The following ECT2 variants were observed in gnomAD, a reference collection of about 807,000 sequenced individuals.
ECT2 encodes the protein epithelial cell transforming 2.
In ECT2, 61 loss-of-function variants were observed where a neutral mutation model predicts 116.9. The observed-to-expected ratio is 0.52, with a 90% CI of 0.42 to 0.65. ECT2 has a LOEUF of 0.65. Among genes scored for constraint, ECT2 ranks in the 30% least tolerant of loss-of-function variants. ECT2 has a pLI of 0.00. For synonymous variants in ECT2, 358 were observed against 346.4 expected (o/e 1.03, Z -0.37); for missense variants, 937 against 1,078.7 (o/e 0.87, Z 1.84).
chr3:172,801,520 G>T (rs773752487), intron 18 of ECT2, among the ~76,000 whole-genome samples: 12 of 152,058 alleles, frequency 7.9e-5, no homozygotes, highest in Non-Finnish European at 1.6e-4. Flanking sequence ...TTTCTTACAC[G>T]CATACAGTGA....
intron 22 of ECT2, among the ~76,000 whole-genome samples, chr3:172,814,060 C>A (rs1022836200): frequency 3.3e-5 from 5 of 151,914 alleles, no homozygotes; most frequent in African/African-American, 1.2e-4. Flanking sequence ...TTTACAAGTA[C>A]TATTAACTGA....
At chr3:172,789,755 A>G (rs1724306997) in intron 18 of ECT2, among the ~76,000 whole-genome samples, 1 of 152,078 alleles carries the variant, frequency 6.6e-6, no homozygotes, top group African/African-American at 2.4e-5. Flanking sequence ...ATCTCAGGAA[A>G]CCACTTTCTT....
At chr3:172,788,402 T>C (rs1003671368) in intron 18 of ECT2, among the ~76,000 whole-genome samples, 7 of 152,222 alleles carry the variant, frequency 4.6e-5, no homozygotes, top group Non-Finnish European at 8.8e-5. Flanking sequence ...ATTTAAAATA[T>C]AGTTTGATTA....
intron 14 of ECT2, among the ~76,000 whole-genome samples, chr3:172,774,565 C>G (rs114947732): frequency 0.015 from 2,328 of 152,198 alleles, 63 homozygotes; most frequent in African/African-American, 0.052. Flanking sequence ...TCATGACTTA[C>G]TGCAACCTTG....
intron 10 of ECT2, 42 bp downstream of exon 10, chr3:172,762,848 T>TAA (rs759733611): frequency 2.5e-5 from 40 of 1,610,010 alleles, no homozygotes; most frequent in Non-Finnish European, 3.2e-5. Flanking sequence ...AAAACACTAT[T>TAA]AATAGCTTCT....
rs577510658 is a variant in ECT2, at chr3:172,785,972, T to C, written c.1826-521T>C. ...TCCACATGAGAGATTAGGTGGACAG[T>C]GGTACTAGATTAAACCTAGATTTGA... On this transcript the variant is annotated intron_variant, in intron 17 of 24. Coordinates refer to ENST00000392692, the MANE Select transcript of ECT2 (RefSeq NM_001258315.2). Among the ~76,000 whole-genome samples, 4 of 152,290 alleles carry C rather than the reference T, an allele frequency of 2.6e-5. No homozygotes were observed. The South Asian group carries it at 8.3e-4, about 32-fold the overall frequency.
At chr3:172,767,452 A>G (rs568219281) in intron 12 of ECT2, among the ~76,000 whole-genome samples, 1 of 152,106 alleles carries the variant, frequency 6.6e-6, no homozygotes, top group African/African-American at 2.4e-5. Context: ...AAAAAAAAGC[A>G]CTCAGAACTC....
At chr3:172,823,053 C>CTG (rs199685453), downstream of ECT2, among the ~76,000 whole-genome samples, 9,321 of 152,036 alleles carry the variant, frequency 0.061, 955 homozygotes, top group African/African-American at 0.21. Flanking sequence ...AAAATTCTCA[C>CTG]AGAGCGTTAT....
intron 12 of ECT2, among the ~76,000 whole-genome samples, chr3:172,767,740 G>A (rs766335594): frequency 3.7e-5 from 5 of 135,230 alleles, no homozygotes; most frequent in East Asian, 1.9e-4. Flanking sequence ...TTTTTGAGAC[G>A]GAGTCTTGCT....
chr3:172,773,770 C>T (rs1009322890), intron 13 of ECT2, 133 bp from the exon 14 acceptor site: 9 of 922,484 alleles, frequency 9.8e-6, no homozygotes, highest in South Asian at 3.7e-5. Flanking sequence ...GAAAATGTCT[C>T]AAATTTAGGG....
At chr3:172,826,004 C>T (rs1560043468), downstream of ECT2, among the ~76,000 whole-genome samples, 2 of 152,206 alleles carry the variant, frequency 1.3e-5, no homozygotes, top group Admixed American at 1.3e-4. Context: ...AGCAATTCCA[C>T]TGCCTCAGCC....
rs996424221 is a variant in ECT2, at chr3:172,750,867, CTG to C, written c.-23+15_-23+16del. ...GGCTTTTTTGAGAGTGGTAAGGACTCTGTGTGAGTGAGAGAGGTGCAAGTGGG... is the reference window on the plus strand; with the variant it reads ...GGCTTTTTTGAGAGTGGTAAGGACTCTGTGAGTGAGAGAGGTGCAAGTGGG... On this transcript the variant is annotated intron_variant, in intron 1 of 24. Coordinates refer to ENST00000392692, the MANE Select transcript of ECT2 (RefSeq NM_001258315.2). 2 of 152,842 alleles carry C rather than the reference CTG, an allele frequency of 1.3e-5. No homozygotes were observed. The highest frequency in any genetic ancestry group is 4.8e-5 in the African/African-American group (2 of 41,446). The allele number at this position is 152,842 out of a possible 1,614,324, so 9.5% of individuals were successfully genotyped here.
intron 11 of ECT2, among the ~76,000 whole-genome samples, 168 bp from the exon 12 acceptor site, chr3:172,764,110 T>C (rs1156453880): frequency 6.6e-6 from 1 of 152,220 alleles, no homozygotes; most frequent in African/African-American, 2.4e-5. Flanking sequence ...CAGTCGTCTC[T>C]TGACTATTAT....
At chr3:172,791,131 A>G (rs1251496676) in intron 18 of ECT2, among the ~76,000 whole-genome samples, 6 of 152,212 alleles carry the variant, frequency 3.9e-5, no homozygotes, top group Admixed American at 2.0e-4. Context: ...TCCAGCCTGG[A>G]TGACAGAACA....
intron 14 of ECT2, among the ~76,000 whole-genome samples, chr3:172,774,627 G>A (rs1181263350): frequency 6.6e-6 from 1 of 151,872 alleles, no homozygotes; most frequent in African/African-American, 2.4e-5. Flanking sequence ...GAAGTAACTG[G>A]GATTACAGTT....
At chr3:172,756,348 G>A (rs1716984101) in intron 4 of ECT2, among the ~76,000 whole-genome samples, 1 of 151,864 alleles carries the variant, frequency 6.6e-6, no homozygotes, top group Non-Finnish European at 1.5e-5. Context: ...AGGTACTTTA[G>A]TATCTTCATT....
At chr3:172,788,984 G>T (rs904248328) in intron 18 of ECT2, among the ~76,000 whole-genome samples, 2 of 151,180 alleles carry the variant, frequency 1.3e-5, no homozygotes, top group African/African-American at 4.9e-5. Flanking sequence ...CTGGAACCCG[G>T]GATGTGGAGG....
Position 172,820,286 on chromosome 3 carries a change from C to A in ECT2, c.*49C>A. Reference sequence around the variant, plus strand: ...TAGAAATGTATAGACACCTCATACTCAAATAAGAAACTGACTTAAATGGTA... The same window carrying A: ...TAGAAATGTATAGACACCTCATACTAAAATAAGAAACTGACTTAAATGGTA... On this transcript the variant is annotated 3_prime_UTR_variant, in exon 25 of 25. Coordinates refer to ENST00000392692, the MANE Select transcript of ECT2 (RefSeq NM_001258315.2). The A allele has an allele frequency of 7.4e-7, 1 of 1,349,766 alleles. No homozygotes were observed. The highest frequency in any genetic ancestry group is 1.4e-5 in the South Asian group (1 of 70,524). 83.6% of individuals were successfully genotyped at this position (1,349,766 alleles called of 1,614,324 possible). A position where few individuals can be genotyped will look rare whatever the true frequency, so the allele number is the denominator to read the frequency against.
intron 1 of ECT2, among the ~76,000 whole-genome samples, chr3:172,753,517 A>G (rs959172774): frequency 3.3e-5 from 5 of 152,244 alleles, no homozygotes; most frequent in African/African-American, 1.2e-4. Context: ...TCACCCATGC[A>G]TAATTGTTTT....
Sources: allele counts gnomAD v4.1 joint callset (sites outside exome capture counted in the v4.1 genomes callset), GRCh38; gene constraint gnomAD v4.1.1; transcripts MANE v1.5; gene names NCBI Gene and HGNC (gene_info 2026-07-23, HGNC 2026-07-21).